Variants in STK33 observed in about 807,000 individuals in gnomAD.
STK33 encodes serine/threonine-protein kinase 33.
Under a neutral mutation model 58.0 loss-of-function variants are expected in STK33, and 52 were observed. The ratio of observed to expected loss-of-function variants is 0.90; its 90% confidence interval spans 0.72 to 1.13. The LOEUF (loss-of-function observed/expected upper bound fraction) is 1.13. Among genes scored for constraint, STK33 ranks in the 50% most tolerant of loss-of-function variants. STK33 has a pLI of 0.00. For synonymous variants in STK33, 215 were observed against 200.1 expected, an observed-to-expected ratio of 1.07 and a Z score of -0.63; for missense variants, 630 against 604.2, an observed-to-expected ratio of 1.04 and a Z score of -0.45.
intron 1 of STK33, among the ~76,000 whole-genome samples, chr11:8,570,783 C>T (rs1957754955): frequency 6.6e-6 from 1 of 152,160 alleles, no homozygotes; most frequent in Admixed American, 6.5e-5. Flanking sequence ...TCACTATCTT[C>T]ATTGTCTGGC....
chr11:8,492,447 C>G (rs1188512721), intron 1 of STK33, among the ~76,000 whole-genome samples: 2 of 152,264 alleles, frequency 1.3e-5, no homozygotes, highest in African/African-American at 4.8e-5. Flanking sequence ...ATTCATAAAG[C>G]AAGTCATTAG....
chr11:8,482,631 G>A (rs572041190), intron 1 of STK33, among the ~76,000 whole-genome samples: 3 of 152,110 alleles, frequency 2.0e-5, no homozygotes, highest in Non-Finnish European at 4.4e-5. Context: ...AGATACCAGG[G>A]TTTGAATTCT....
At chr11:8,508,946 G>A (rs535432459) in intron 1 of STK33, among the ~76,000 whole-genome samples, 82 of 152,010 alleles carry the variant, frequency 5.4e-4, no homozygotes, top group South Asian at 3.9e-3. Flanking sequence ...GAGGAACCCC[G>A]TCTCTACTAG....
chr11:8,474,580 G>A lies in STK33; in HGVS notation c.225+101C>T, dbSNP rs1949084550. On this transcript the variant is annotated intron_variant, in intron 5 of 15. Coordinates refer to ENST00000687296, the MANE Select transcript of STK33 (RefSeq NM_001352389.2). ...AATGTTTAATAGTTATGAAGGCAATGAATTAGCTAACAAGAACTCATGGGA... is the reference window on the plus strand; with the variant it reads ...AATGTTTAATAGTTATGAAGGCAATAAATTAGCTAACAAGAACTCATGGGA... 4 of 822,864 alleles carry A rather than the reference G, an allele frequency of 4.9e-6. No individual in the cohort carries two copies. The South Asian group carries it at 8.3e-5, about 17-fold the overall frequency. 51.0% of individuals were successfully genotyped at this position (822,864 alleles called of 1,614,324 possible). A position where few individuals can be genotyped will look rare whatever the true frequency, so the allele number is the denominator to read the frequency against.
At chr11:8,458,750 T>C (rs1274654933) in intron 8 of STK33, among the ~76,000 whole-genome samples, 1 of 152,206 alleles carries the variant, frequency 6.6e-6, no homozygotes, top group African/African-American at 2.4e-5. Context: ...TTCATACATA[T>C]TTCTATTCAA....
At position 8,588,085 on chromosome 11, in the gene STK33, G is replaced by A. The variant is rs537496843; in HGVS notation, c.-466+5998C>T. 3.9e-5 allele frequency among the ~76,000 whole-genome samples: 6 copies of A among 152,242 alleles called. No individual in the cohort carries two copies. In the East Asian group the frequency reaches 1.2e-3, roughly 29 times the overall value. On this transcript the variant is annotated intron_variant, in intron 1 of 15. Transcript: ENST00000687296. ...CTCTGTCCTCTCATGGTAGAGAACA[G>A]AGAGCACTCTCATCTTTCCATTCCC...
intron 1 of STK33, 163 bp downstream of exon 1, chr11:8,593,920 C>CCCGGT (rs1326506313): frequency 2.0e-5 from 3 of 152,260 alleles, no homozygotes; most frequent in African/African-American, 7.2e-5. Context: ...GCGGGCTCGG[C>CCCGGT]CCGGTCCCTC....
intron 15 of STK33, among the ~76,000 whole-genome samples, chr11:8,411,805 A>T (rs555342554): frequency 9.2e-5 from 14 of 152,338 alleles, no homozygotes. Flanking sequence ...TTCCTAAAAT[A>T]TCAACCAACA....
intron 11 of STK33, among the ~76,000 whole-genome samples, chr11:8,441,292 T>A (rs1006539391): frequency 1.3e-5 from 2 of 151,562 alleles, no homozygotes; most frequent in South Asian, 2.1e-4. Flanking sequence ...TAAAACTGGA[T>A]CAAAAAGCCA....
intron 1 of STK33, among the ~76,000 whole-genome samples, chr11:8,514,647 T>A (rs1322641167): frequency 6.6e-6 from 1 of 152,192 alleles, no homozygotes; most frequent in Admixed American, 6.5e-5. Flanking sequence ...CATCTCATTC[T>A]CTAAAATTGA....
At chr11:8,351,030 G>A in the STK33 span, among the ~76,000 whole-genome samples, 1 of 152,076 alleles carries the variant, frequency 6.6e-6, no homozygotes, top group South Asian at 2.1e-4. Context: ...GCAGAAGCTG[G>A]CCCTGGGGAT....
At chr11:8,484,492 A>G (rs1162294791) in intron 1 of STK33, among the ~76,000 whole-genome samples, 1 of 152,204 alleles carries the variant, frequency 6.6e-6, no homozygotes, top group Non-Finnish European at 1.5e-5. Flanking sequence ...AGATGTTTGC[A>G]GCTGAGCTGT....
At chr11:8,413,894 C>T (rs1014646604) in intron 14 of STK33, among the ~76,000 whole-genome samples, 8 of 152,110 alleles carry the variant, frequency 5.3e-5, no homozygotes, top group African/African-American at 1.7e-4. Context: ...CATGATATCA[C>T]GTGTAATATG....
chr11:8,514,974 A>T (rs550509788), intron 1 of STK33, among the ~76,000 whole-genome samples: 39 of 152,324 alleles, frequency 2.6e-4, no homozygotes, highest in African/African-American at 8.9e-4. Context: ...GAACAAAAGG[A>T]CATTAAAGAC....
chr11:8,494,750 T>C (rs1012083510), intron 1 of STK33, among the ~76,000 whole-genome samples: 1 of 152,144 alleles, frequency 6.6e-6, no homozygotes, highest in Admixed American at 6.5e-5. Context: ...AACAGAGATA[T>C]AGATCAATGG....
the STK33 span, among the ~76,000 whole-genome samples, chr11:8,371,697 CCT>C: frequency 6.8e-6 from 1 of 146,886 alleles, no homozygotes; most frequent in African/African-American, 2.5e-5. Flanking sequence ...TTTTCTTTCC[CCT>C]TTCTTCCTTT....
At chr11:8,496,002 A>G (rs956483005) in intron 1 of STK33, among the ~76,000 whole-genome samples, 2 of 152,100 alleles carry the variant, frequency 1.3e-5, no homozygotes, top group African/African-American at 4.8e-5. Flanking sequence ...AATGTAAATG[A>G]CAAGTTAGTG....
intron 11 of STK33, 108 bp downstream of exon 11, chr11:8,452,714 G>A: frequency 1.1e-6 from 1 of 902,240 alleles, no homozygotes; most frequent in Non-Finnish European, 1.8e-6. Context: ...CTTGAGCCCA[G>A]GAGGTCAAGG....
chr11:8,361,760 C>G, the STK33 span, among the ~76,000 whole-genome samples: 1 of 152,344 alleles, frequency 6.6e-6, no homozygotes. This position sits in a 1 kb window ranked among gnomAD's most constrained non-coding sequence, Gnocchi z 4.8. Context: ...AGGGTCAGGA[C>G]AGGATGGCAG....
Sources: allele counts gnomAD v4.1 joint callset (sites outside exome capture counted in the v4.1 genomes callset), GRCh38; gene constraint gnomAD v4.1.1; non-coding constraint Gnocchi (gnomAD v3.1); transcripts MANE v1.5; gene names NCBI Gene and HGNC (gene_info 2026-07-23, HGNC 2026-07-21).